The following ZNF143 variants were observed in gnomAD, a reference collection of about 807,000 sequenced individuals.
ZNF143 encodes the protein zinc finger protein 143.
In ZNF143, 49 loss-of-function variants were observed where a neutral mutation model predicts 74.1. The ratio of observed to expected loss-of-function variants is 0.66; its 90% CI spans 0.53 to 0.84. The LOEUF is 0.84. Among genes scored for constraint, ZNF143 ranks in the 40% least tolerant of loss-of-function variants. The pLI is 0.00. For missense variants in ZNF143, 637 were observed against 793.4 expected, an observed-to-expected ratio of 0.80 and a Z score of 2.37; for synonymous variants, 304 against 282.8, an observed-to-expected ratio of 1.07 and a Z score of -0.75.
intron 7 of ZNF143, among the ~76,000 whole-genome samples, chr11:9,483,460 C>CT (rs1366288704): frequency 6.7e-6 from 1 of 149,850 alleles, no homozygotes; most frequent in East Asian, 2.0e-4. Context: ...CCGTGCCTGT[C>CT]TAATTTTTTG....
chr11:9,464,287 A>G (rs1158238895), intron 1 of ZNF143, among the ~76,000 whole-genome samples: 4 of 152,084 alleles, frequency 2.6e-5, no homozygotes, highest in African/African-American at 9.7e-5. Context: ...GCACGCCACA[A>G]TGCCCAGCTA....
At chr11:9,491,730 C>T (rs907985459) in intron 7 of ZNF143, among the ~76,000 whole-genome samples, 4 of 152,072 alleles carry the variant, frequency 2.6e-5, no homozygotes, top group Non-Finnish European at 4.4e-5. Flanking sequence ...CCTGGACTCG[C>T]GCGATCCTCT....
intron 14 of ZNF143, among the ~76,000 whole-genome samples, chr11:9,516,828 A>G (rs555410690): frequency 6.6e-6 from 1 of 152,326 alleles, no homozygotes; most frequent in South Asian, 2.1e-4. Flanking sequence ...AACTTTTATC[A>G]GTTTTTTGTG....
intron 15 of ZNF143, 113 bp from the exon 16 acceptor site, chr11:9,527,417 A>T (rs1849168387): frequency 2.2e-6 from 2 of 923,450 alleles, no homozygotes; most frequent in Non-Finnish European, 3.4e-6. Flanking sequence ...TAACAATCCC[A>T]AGTGTCAGAA....
chr11:9,523,813 C>A (rs898351798), intron 14 of ZNF143, among the ~76,000 whole-genome samples: 1 of 150,384 alleles, frequency 6.6e-6, no homozygotes, highest in African/African-American at 2.4e-5. Context: ...TTTGGGAGGC[C>A]GAGGCGGGTG....
At chr11:9,526,615 A>G (rs1371367525) in intron 15 of ZNF143, among the ~76,000 whole-genome samples, 2 of 150,988 alleles carry the variant, frequency 1.3e-5, no homozygotes, top group East Asian at 3.9e-4. Flanking sequence ...TTATTTATGT[A>G]AAAATAAATA....
chr11:9,480,247 T>C (rs150602788), intron 7 of ZNF143, among the ~76,000 whole-genome samples: 17 of 152,360 alleles, frequency 1.1e-4, no homozygotes, highest in South Asian at 6.2e-4. Flanking sequence ...TCAAAACTTA[T>C]GTTATTCAAG....
intron 10 of ZNF143, 29 bp from the exon 11 acceptor site, chr11:9,501,062 A>G (rs1848140804): frequency 6.2e-7 from 1 of 1,612,924 alleles, no homozygotes; most frequent in Non-Finnish European, 8.5e-7. Context: ...TTTTTGCACC[A>G]TTTAATGTAT....
In ZNF143 at chr11:9,508,843, C is replaced by G. The variant is rs1369205251; in HGVS notation, c.1372C>G (p.Pro458Ala). Residue 458 changes from proline (P) to alanine (A), a missense_variant, in exon 12 of 16, where the codon CCA (proline) becomes GCA (alanine). Transcript: ENST00000396602. The part of the protein sequence containing the change: ...EEQEAFFEPP[P>A]GQGEDVLKGS... ...GCAGGAAGCCTTCTTTGAGCCGCCC[C>G]CAGGTGAGAGTTTTGTCTACTATAT... 1 of 1,574,818 alleles carries G rather than the reference C, an allele frequency of 6.3e-7. No individual in the cohort carries two copies. The highest frequency in any genetic ancestry group is 1.2e-5 in the South Asian group (1 of 86,822).
intron 11 of ZNF143, 42 bp from the exon 12 acceptor site, chr11:9,508,577 A>C (rs1589930612): frequency 6.3e-7 from 1 of 1,582,328 alleles, no homozygotes; most frequent in African/African-American, 1.3e-5. Context: ...GATTTTGCCT[A>C]CATATGTAAA....
At chr11:9,464,407 C>T (rs1240408855) in intron 1 of ZNF143, among the ~76,000 whole-genome samples, 1 of 151,952 alleles carries the variant, frequency 6.6e-6, no homozygotes, top group Non-Finnish European at 1.5e-5. Flanking sequence ...TTGAGACCAG[C>T]CTGGCCAACA....
chr11:9,463,759 T>A (rs969153884), intron 1 of ZNF143: 9 of 152,328 alleles, frequency 5.9e-5, no homozygotes, highest in African/African-American at 2.2e-4. Context: ...GGACTGGTTG[T>A]GTTCTTCACA....
Position 9,462,727 on chromosome 11 carries a change from T to C in ZNF143, c.-8+1651T>C, listed in dbSNP as rs1391390939. Among the ~76,000 whole-genome samples the C allele has an allele frequency of 2.0e-5, 3 of 151,744 alleles. No homozygotes were observed. The East Asian group carries it at 5.8e-4, about 29-fold the overall frequency. ...CCGTCTCTGCGAAAAATACAAAAATTAGCCGGGTGTGGTGGCAGGCGCCTG... is the reference window on the plus strand; with the variant it reads ...CCGTCTCTGCGAAAAATACAAAAATCAGCCGGGTGTGGTGGCAGGCGCCTG... On this transcript the variant is annotated intron_variant, in intron 1 of 15. Coordinates refer to ENST00000396602, the MANE Select transcript of ZNF143 (RefSeq NM_003442.6).
intron 11 of ZNF143, among the ~76,000 whole-genome samples, chr11:9,503,182 C>A (rs922355292): frequency 2.0e-5 from 3 of 152,112 alleles, no homozygotes; most frequent in East Asian, 1.9e-4. Context: ...TAAATTCTTT[C>A]TTTTTTCAGT....
chr11:9,473,347 C>T (rs1023032543), intron 3 of ZNF143, among the ~76,000 whole-genome samples: 16 of 150,286 alleles, frequency 1.1e-4, no homozygotes, highest in East Asian at 9.7e-4. Flanking sequence ...GCCGAGATCA[C>T]GCCATTGCAC....
At chr11:9,502,892 G>T (rs937902043) in intron 11 of ZNF143, among the ~76,000 whole-genome samples, 3 of 152,016 alleles carry the variant, frequency 2.0e-5, no homozygotes. Flanking sequence ...GTGCAGTGGC[G>T]CAATCTCGGC....
At chr11:9,470,441 G>A (rs1367564872) in intron 1 of ZNF143, among the ~76,000 whole-genome samples, 2 of 152,206 alleles carry the variant, frequency 1.3e-5, no homozygotes, top group Admixed American at 1.3e-4. Context: ...GTTGGGAGGT[G>A]CAGTTTGAAA....
At chr11:9,484,051 T>C (rs1847358885) in intron 7 of ZNF143, among the ~76,000 whole-genome samples, 1 of 151,154 alleles carries the variant, frequency 6.6e-6, no homozygotes, top group East Asian at 2.0e-4. Flanking sequence ...CCCAGCTCAG[T>C]AAATTTTTAA....
chr11:9,501,818 C>A (rs12271830), intron 11 of ZNF143, among the ~76,000 whole-genome samples: 1 of 149,764 alleles, frequency 6.7e-6, no homozygotes, highest in Non-Finnish European at 1.5e-5. Context: ...AAGGTGAGTT[C>A]TGAGAGGTAG....
Sources: gnomAD v4.1 joint callset for allele counts (sites outside exome capture counted in the v4.1 genomes callset) on GRCh38, gnomAD v4.1.1 for gene constraint, MANE v1.5 for transcripts, NCBI Gene and HGNC (gene_info 2026-07-23, HGNC 2026-07-21) for gene names.